The following RNASEL variants were observed in gnomAD, a reference collection of about 807,000 sequenced individuals.
The protein encoded by RNASEL is 2-5A-dependent ribonuclease.
RNASEL carries 36 observed loss-of-function variants against 50.9 expected under a neutral mutation model. The observed-to-expected ratio is 0.71, with a 90% CI of 0.54 to 0.93. The LOEUF is 0.93. Ranked by LOEUF, RNASEL falls within the 40% of genes least tolerant of loss-of-function variation. The pLI is 0.00. For synonymous variants in RNASEL, 335 were observed against 335.6 expected, an observed-to-expected ratio of 1.00 and a Z score of 0.02; for missense variants, 860 against 894.5, an observed-to-expected ratio of 0.96 and a Z score of 0.49.
At chr1:182,576,559 C>T (rs1441291138) in intron 5 of RNASEL, among the ~76,000 whole-genome samples, 170 bp from the exon 6 acceptor site, 1 of 151,894 alleles carries the variant, frequency 6.6e-6, no homozygotes, top group East Asian at 1.9e-4. Flanking sequence ...TGCTGTATAC[C>T]AAAATGCTAA....
Position 182,574,655 on chromosome 1 carries a change from G to A in RNASEL, c.*737C>T. ...CTTTACCCACTAAATGCCATAGCAT[G>A]CTCCCCACAAAGCTGTGACACCAAA... On this transcript the variant is annotated 3_prime_UTR_variant, in exon 7 of 7. Coordinates refer to ENST00000367559, the MANE Select transcript of RNASEL (RefSeq NM_021133.4). The A allele has an allele frequency of 4.3e-6, 1 of 232,756 alleles. No individual in the cohort carries two copies. Among genetic ancestry groups the A allele is most frequent in the Non-Finnish European group, 8.5e-6 (1 of 117,912 alleles). 14.4% of individuals were successfully genotyped at this position (232,756 alleles called of 1,614,324 possible).
Position 182,575,597 on chromosome 1 carries a change from T to C in RNASEL, c.2040-19A>G. ...TTTCATCCTGAAATAAAACACAAAT[T>C]GTTCAGCATGCTTGCCCCAAATTAT... On this transcript the variant is annotated intron_variant, in intron 6 of 6. Coordinates refer to ENST00000367559, the MANE Select transcript of RNASEL (RefSeq NM_021133.4). 7.4e-6 allele frequency: 12 copies of C among 1,613,836 alleles called. No individual in the cohort carries two copies. Among genetic ancestry groups the C allele is most frequent in the Non-Finnish European group, 1.0e-5 (12 of 1,179,936 alleles).
chr1:182,575,939 G>A (rs550397744), intron 6 of RNASEL, among the ~76,000 whole-genome samples: 10 of 152,304 alleles, frequency 6.6e-5, no homozygotes, highest in African/African-American at 2.4e-4. Context: ...ATTTTTAGAC[G>A]TATATAACTC....
intron 4 of RNASEL, 133 bp downstream of exon 4, chr1:182,581,920 A>G (rs1427490756): frequency 6.2e-6 from 5 of 810,208 alleles, no homozygotes; most frequent in Admixed American, 1.8e-5. Context: ...CATCTCTCCA[A>G]GGACACACAG....
Position 182,574,084 on chromosome 1 carries a change from A to T in RNASEL, c.*1308T>A. ...TAAAGGATTGTTTTGAAAATTAAAT[A>T]AAATAAAATACTCAGATGTAATGTA... is the stretch of plus-strand genomic sequence containing the variant. On this transcript the variant is annotated 3_prime_UTR_variant, in exon 7 of 7. Transcript: ENST00000367559. The T allele has an allele frequency of 4.8e-6, 1 of 210,350 alleles. No individual in the cohort carries two copies. Among genetic ancestry groups the T allele is most frequent in the Non-Finnish European group, 9.6e-6 (1 of 103,646 alleles). 13.0% of individuals were successfully genotyped at this position (210,350 alleles called of 1,614,324 possible).
rs1465125566 is a variant in RNASEL at position 182,586,016 on chromosome 1, A to G, written c.791T>C (p.Ile264Thr). Residue 264 changes from isoleucine (I) to threonine (T), a missense_variant, in exon 2 of 7, where the codon ATA (isoleucine) becomes ACA (threonine). Transcript: ENST00000367559. ...LVQRLLEQEH[I>T]EINDTDSDGK... ...ATCACTGTCTGTGTCATTAATCTCT[A>G]TGTGCTCTTGCTCCAGAAGCCTCTG... is the stretch of plus-strand genomic sequence containing the variant. 1.9e-6 allele frequency: 3 copies of G among 1,614,018 alleles called. No individual in the cohort carries two copies. Among genetic ancestry groups the G allele is most frequent in the Admixed American group, 1.7e-5 (1 of 60,008 alleles).
intron 5 of RNASEL, among the ~76,000 whole-genome samples, chr1:182,580,981 T>C (rs1222004443): frequency 1.3e-5 from 2 of 152,056 alleles, no homozygotes; most frequent in Non-Finnish European, 2.9e-5. Context: ...AGGGGGAGCC[T>C]GAATAACAGT....
In RNASEL at chr1:182,575,421, C is replaced by A. The variant is rs1411415262; in HGVS notation, c.2197G>T (p.Ala733Ser). ...NKPQCDGAGG[A>S]SGLASPGC is the part of the protein sequence containing the mutation. Reference sequence around the variant, plus strand: ...CACCCAGGGCTGGCCAACCCACTGGCCCCACCAGCTCCATCACACTGAGGC... The same window carrying A: ...CACCCAGGGCTGGCCAACCCACTGGACCCACCAGCTCCATCACACTGAGGC... Residue 733 changes from alanine (A) to serine (S), a missense_variant, in exon 7 of 7, where the codon GCC becomes TCC. Transcript: ENST00000367559. The A allele has an allele frequency of 1.2e-6, 2 of 1,614,144 alleles. No individual in the cohort carries two copies. The highest frequency in any genetic ancestry group is 1.7e-5 in the Admixed American group (1 of 60,032).
chr1:182,580,950 T>C (rs74128978), intron 5 of RNASEL, among the ~76,000 whole-genome samples: 4,113 of 152,208 alleles, frequency 0.027, 181 homozygotes, highest in African/African-American at 0.09. Context: ...GAAAGGCTCA[T>C]GGGCTGGGAT....
Position 182,585,365 on chromosome 1 carries a change from T to TTGCAG in RNASEL, c.1441_1442insCTGCA (p.Tyr481SerfsTer14), listed in dbSNP as rs747277084. On this transcript the variant is annotated frameshift_variant, in exon 2 of 7. Transcript: ENST00000367559. LOFTEE classifies it high-confidence loss of function. Reference sequence around the variant, plus strand: ...TTGTGGTTGCAGATCCTGGTGGGTGTATCCACAGGACAAGTGTAGTTCTTG... The same window carrying TTGCAG: ...TTGTGGTTGCAGATCCTGGTGGGTGTTGCAGATCCACAGGACAAGTGTAGTTCTTG... 117 of 1,614,006 alleles carry TTGCAG rather than the reference T, an allele frequency of 7.2e-5. No homozygotes were observed. The highest frequency in any genetic ancestry group is 1.6e-4 in the Middle Eastern group (1 of 6,084).
Position 182,582,156 on chromosome 1 carries a change from C to T in RNASEL, c.1669G>A (p.Glu557Lys). 1 of 1,614,238 alleles carries T rather than the reference C, an allele frequency of 6.2e-7. No individual in the cohort carries two copies. Among genetic ancestry groups the T allele is most frequent in the Non-Finnish European group, 8.5e-7 (1 of 1,180,044 alleles). The change falls in exon 4 of 7, where the codon GAG becomes AAG. Residue 557 changes from glutamate (E) to lysine (K), a missense_variant. Coordinates refer to ENST00000367559, the MANE Select transcript of RNASEL (RefSeq NM_021133.4). ...NEEVVQLSPDEETKDLIHRLF... is the reference protein window; with the variant it reads ...NEEVVQLSPDKETKDLIHRLF... ...CGATGAATGAGGTCCTTAGTTTCCT[C>T]ATCTGGAGAAAGTTGAACCACCTCT...
rs751697456 is a variant in RNASEL, at chr1:182,585,405, T to C, written c.1402A>G (p.Ile468Val). ...DEFARNVLSS[I>V]FKAVQELHLS... is the part of the protein sequence containing the mutation. The stretch of plus-strand genomic sequence containing the variant: ...TGTAGTTCTTGAACAGCCTTAAATA[T>C]AGATGACAGGACATTTCGGGCAAAT... The change falls in exon 2 of 7, where the codon ATA becomes GTA. Residue 468 changes from isoleucine to valine, a missense_variant. By Grantham distance (29) the Ile-to-Val change is conservative. Transcript: ENST00000367559. 3 of 1,614,162 alleles carry C rather than the reference T, an allele frequency of 1.9e-6. No homozygotes were observed. Among genetic ancestry groups the C allele is most frequent in the Admixed American group, 1.7e-5 (1 of 60,024 alleles).
chr1:182,588,552 T>C (rs1661642962), intron 1 of RNASEL, among the ~76,000 whole-genome samples: 1 of 152,222 alleles, frequency 6.6e-6, no homozygotes, highest in Non-Finnish European at 1.5e-5. Flanking sequence ...AGTTCAATCA[T>C]CAGACAGCCC....
intron 5 of RNASEL, chr1:182,579,655 G>A: frequency 8.7e-7 from 1 of 1,143,650 alleles, no homozygotes; most frequent in Non-Finnish European, 1.1e-6. Context: ...GTGTAAAATG[G>A]GAATTAAAAG....
At chr1:182,578,031 A>G (rs1382286744) in intron 5 of RNASEL, 2 of 152,178 alleles carry the variant, frequency 1.3e-5, no homozygotes, top group Non-Finnish European at 1.5e-5. Flanking sequence ...CTATAAAAAT[A>G]CTAAAAGAAA....
chr1:182,585,736 C>T lies in RNASEL; in HGVS notation c.1071G>A (p.Met357Ile). 1 of 1,614,086 alleles carries T rather than the reference C, an allele frequency of 6.2e-7. No homozygotes were observed. The highest frequency in any genetic ancestry group is 8.5e-7 in the Non-Finnish European group (1 of 1,180,034). The change falls in exon 2 of 7, where the codon ATG (methionine) becomes ATA (isoleucine). Residue 357 changes from methionine (M) to isoleucine (I), a missense_variant. Transcript: ENST00000367559. ...CAATAAAGAACTTGAGTTTGCCAAT[C>T]ATAGGGCGGTATATTCTGTGGAGAT... ...LKDLHRIYRP[M>I]IGKLKFFIDE...
In RNASEL at chr1:182,574,165, T is replaced by C. The variant is rs944680685; in HGVS notation, c.*1227A>G. 4.5e-6 allele frequency: 1 copy of C among 222,710 alleles called. No individual in the cohort carries two copies. Among genetic ancestry groups the C allele is most frequent in the Non-Finnish European group, 9.0e-6 (1 of 111,638 alleles). 13.8% of individuals were successfully genotyped at this position (222,710 alleles called of 1,614,324 possible). A position where few individuals can be genotyped will look rare whatever the true frequency, so the allele number is the denominator to read the frequency against. ...CAGTATTATTATTCATGTACGAAGA[T>C]GGTTCATTCATTATTCAATGAATAT... On this transcript the variant is annotated 3_prime_UTR_variant, in exon 7 of 7. Transcript: ENST00000367559.
At chr1:182,581,139 G>A (rs1296019685) in intron 5 of RNASEL, 86 bp downstream of exon 5, 5 of 1,602,580 alleles carry the variant, frequency 3.1e-6, no homozygotes, top group Admixed American at 1.7e-5. Context: ...TGCCACTGGT[G>A]TAAAATAAGA....
At chr1:182,581,574 C>G (rs566618540) in intron 4 of RNASEL, among the ~76,000 whole-genome samples, 1 of 149,804 alleles carries the variant, frequency 6.7e-6, no homozygotes, top group East Asian at 2.0e-4. Flanking sequence ...CTCCACCTCC[C>G]GGGTTCAAGC....
Sources: gnomAD v4.1 joint callset for allele counts (sites outside exome capture counted in the v4.1 genomes callset) on GRCh38, gnomAD v4.1.1 for gene constraint, MANE v1.5 for transcripts, NCBI Gene and HGNC (gene_info 2026-07-23, HGNC 2026-07-21) for gene names.